The following PRKCH variants were observed in gnomAD, a reference collection of about 807,000 sequenced individuals.
PRKCH encodes the protein protein kinase C eta type.
Under a neutral mutation model 82.5 loss-of-function variants are expected in PRKCH, and 28 were observed. The observed-to-expected ratio is 0.34, with a 90% confidence interval of 0.25 to 0.47. The LOEUF is 0.47. Among genes scored for constraint, PRKCH ranks in the 20% least tolerant of loss-of-function variants. PRKCH has a pLI of 1.00. For synonymous variants in PRKCH, 322 were observed against 327.4 expected, an observed-to-expected ratio of 0.98 and a Z score of 0.18; for missense variants, 705 against 881.8, an observed-to-expected ratio of 0.80 and a Z score of 2.54.
chr14:61,262,440 A>G (rs1386956235), intron 1 of PRKCH, among the ~76,000 whole-genome samples: 1 of 152,182 alleles, frequency 6.6e-6, no homozygotes, highest in Non-Finnish European at 1.5e-5. Flanking sequence ...ATAAAAGAAT[A>G]CAAGCAGTAT....
chr14:61,435,600 G>A (rs1883637688), intron 2 of PRKCH, among the ~76,000 whole-genome samples: 1 of 152,212 alleles, frequency 6.6e-6, no homozygotes, highest in African/African-American at 2.4e-5. Flanking sequence ...CAGCTACTCT[G>A]GAGGCTCAGG....
At chr14:61,475,172 A>G (rs1885676133) in intron 9 of PRKCH, among the ~76,000 whole-genome samples, 3 of 152,234 alleles carry the variant, frequency 2.0e-5, no homozygotes, top group Admixed American at 6.5e-5. Context: ...TCTTTATCCT[A>G]CAAGCCCTAT....
At chr14:61,232,331 T>C (rs939609571) in intron 1 of PRKCH, among the ~76,000 whole-genome samples, 8 of 152,222 alleles carry the variant, frequency 5.3e-5, no homozygotes, top group Non-Finnish European at 7.3e-5. Context: ...GTTCAAACAA[T>C]TCTTGTGCCT....
At chr14:61,487,690 C>G (rs1292605161) in intron 10 of PRKCH, among the ~76,000 whole-genome samples, 4 of 152,074 alleles carry the variant, frequency 2.6e-5, no homozygotes, top group African/African-American at 9.7e-5. Context: ...ATATTAACAA[C>G]AAGACCTAAC....
At chr14:61,211,739 A>T (rs1449259220) in intron 1 of PRKCH, among the ~76,000 whole-genome samples, 1 of 152,170 alleles carries the variant, frequency 6.6e-6, no homozygotes, top group Non-Finnish European at 1.5e-5. Context: ...TAAACTGCCA[A>T]GTGCACCATG....
In PRKCH at chr14:61,280,222, C is replaced by T; in HGVS notation, c.-19+92554C>T. 6.2e-7 allele frequency: 1 copy of T among 1,614,022 alleles called. No individual in the cohort carries two copies. Among genetic ancestry groups the T allele is most frequent in the Non-Finnish European group, 8.5e-7 (1 of 1,179,948 alleles). Reference sequence around the variant, plus strand: ...CAGGAAGGGGTTCTTGCCACCCATCCACGAGATGCTGCTGAAGATGAGGAG... The same window carrying T: ...CAGGAAGGGGTTCTTGCCACCCATCTACGAGATGCTGCTGAAGATGAGGAG... On this transcript the variant is annotated intron_variant, in intron 1 of 3. Transcript: ENST00000555185. This position sits in a 1 kb window ranked among gnomAD's most constrained non-coding sequence, Gnocchi z 5.0.
At chr14:61,451,002 C>G (rs763215355) in intron 6 of PRKCH, 31 bp downstream of exon 6, 5 of 1,609,364 alleles carry the variant, frequency 3.1e-6, no homozygotes, top group Middle Eastern at 3.3e-4. Context: ...GTACCCACCT[C>G]TTCATGGGAA....
At position 61,280,935 on chromosome 14, in the gene PRKCH, C is replaced by T. The variant is rs1453525279; in HGVS notation, c.-19+93267C>T. 1 of 1,538,126 alleles carries T rather than the reference C, an allele frequency of 6.5e-7. No individual in the cohort carries two copies. Among genetic ancestry groups the T allele is most frequent in the Non-Finnish European group, 8.7e-7 (1 of 1,146,062 alleles). On this transcript the variant is annotated intron_variant, in intron 1 of 3. Transcript: ENST00000555185. This position sits in a 1 kb window ranked among gnomAD's most constrained non-coding sequence, Gnocchi z 5.0. ...CGCACACCGAGCAGTTACCGGTGCCCGGGTCGCCTGTATAGTCGTACTCCA... is the reference window on the plus strand; with the variant it reads ...CGCACACCGAGCAGTTACCGGTGCCTGGGTCGCCTGTATAGTCGTACTCCA...
chr14:61,267,459 A>C (rs7160676), intron 1 of PRKCH, among the ~76,000 whole-genome samples: 24,652 of 152,136 alleles, frequency 0.16, 2,349 homozygotes, highest in African/African-American at 0.26. Context: ...CAGACGAACT[A>C]CATGTAGGCT....
intron 2 of PRKCH, among the ~76,000 whole-genome samples, chr14:61,439,392 A>C (rs1375639103): frequency 6.6e-6 from 1 of 152,162 alleles, no homozygotes; most frequent in Non-Finnish European, 1.5e-5. Flanking sequence ...CATTTTCTTT[A>C]TGTGACCAAA....
chr14:61,521,794 C>T (rs887254287), intron 10 of PRKCH, among the ~76,000 whole-genome samples: 4 of 152,016 alleles, frequency 2.6e-5, no homozygotes, highest in African/African-American at 9.7e-5. Context: ...GATTTGGGCC[C>T]CACTCTCTAG....
At position 61,539,296 on chromosome 14, in the gene PRKCH, G is replaced by A. The variant is rs537092223; in HGVS notation, c.1762-8447G>A. Reference sequence around the variant, plus strand: ...GTTGGGAGCCTTGGAAAGGAATTGAGTATGTGCTTATGAAGGGCTGCTGGA... The same window carrying A: ...GTTGGGAGCCTTGGAAAGGAATTGAATATGTGCTTATGAAGGGCTGCTGGA... On this transcript the variant is annotated intron_variant, in intron 12 of 13. Transcript: ENST00000332981. Among the ~76,000 whole-genome samples, 5 of 152,294 alleles carry A rather than the reference G, an allele frequency of 3.3e-5. No homozygotes were observed. In the South Asian group the frequency reaches 1.0e-3, roughly 32 times the overall value.
chr14:61,512,100 C>G (rs536334675), intron 10 of PRKCH, among the ~76,000 whole-genome samples: 35 of 152,124 alleles, frequency 2.3e-4, no homozygotes, highest in African/African-American at 8.2e-4. Flanking sequence ...GAAAATATAT[C>G]ACTTGTCATG....
At chr14:61,418,123 T>C (rs1416727577) in intron 2 of PRKCH, among the ~76,000 whole-genome samples, 1 of 152,240 alleles carries the variant, frequency 6.6e-6, no homozygotes, top group Non-Finnish European at 1.5e-5. Flanking sequence ...TTTACTAAAG[T>C]GAGTTCTGCG....
At chr14:61,300,310 A>T (rs1390556608) in intron 1 of PRKCH, among the ~76,000 whole-genome samples, 1 of 152,228 alleles carries the variant, frequency 6.6e-6, no homozygotes, top group Admixed American at 6.5e-5. Context: ...TGTTTAAATC[A>T]TCTTCTCAAG....
At chr14:61,217,366 C>T (rs2044623303) in intron 1 of PRKCH, among the ~76,000 whole-genome samples, 1 of 152,140 alleles carries the variant, frequency 6.6e-6, no homozygotes, top group African/African-American at 2.4e-5. Flanking sequence ...GAGCCATGTT[C>T]ATGCCACTAC....
At chr14:61,228,693 T>G (rs1254171593) in intron 1 of PRKCH, among the ~76,000 whole-genome samples, 1 of 152,140 alleles carries the variant, frequency 6.6e-6, no homozygotes. Flanking sequence ...TTTGCTTTCC[T>G]AAGGAAAGCA....
At chr14:61,486,068 C>T (rs1886207318) in intron 10 of PRKCH, among the ~76,000 whole-genome samples, 1 of 152,196 alleles carries the variant, frequency 6.6e-6, no homozygotes, top group Admixed American at 6.5e-5. Flanking sequence ...ACTTTGTATT[C>T]ATAAAATAGG....
intron 10 of PRKCH, 99 bp from the exon 11 acceptor site, chr14:61,528,976 G>GTGTGTGTGTA: frequency 2.2e-6 from 2 of 906,518 alleles, no homozygotes; most frequent in East Asian, 3.8e-5. Context: ...GGCCGCACGT[G>GTGTGTGTGTA]TGTGTGTGTG....
Sources: allele counts gnomAD v4.1 joint callset (sites outside exome capture counted in the v4.1 genomes callset), GRCh38; gene constraint gnomAD v4.1.1; non-coding constraint Gnocchi (gnomAD v3.1); transcripts MANE v1.5; gene names NCBI Gene and HGNC (gene_info 2026-07-23, HGNC 2026-07-21).